Variants in CCDC102B observed in about 807,000 individuals in gnomAD.
The protein encoded by CCDC102B is coiled-coil domain containing 102B.
In CCDC102B, 75 loss-of-function variants were observed where a neutral mutation model predicts 57.4. The ratio of observed to expected loss-of-function variants is 1.31; its 90% confidence interval spans 1.08 to 1.58. CCDC102B has a LOEUF of 1.58. Ranked by LOEUF, CCDC102B falls within the 40% of genes most tolerant of loss-of-function variation. CCDC102B has a pLI of 0.00. For synonymous variants in CCDC102B, 206 were observed against 201.9 expected (o/e 1.02, Z -0.17); for missense variants, 636 against 582.6 (o/e 1.09, Z -0.94).
chr18:69,030,536 C>T (rs77847794), intron 7 of CCDC102B, among the ~76,000 whole-genome samples: 4,196 of 152,188 alleles, frequency 0.028, 203 homozygotes, highest in African/African-American at 0.094. Flanking sequence ...TTTTTTGAAA[C>T]CTTGCACTTT....
At chr18:68,998,687 G>T (rs2051104663) in intron 6 of CCDC102B, among the ~76,000 whole-genome samples, 1 of 151,558 alleles carries the variant, frequency 6.6e-6, no homozygotes, top group Non-Finnish European at 1.5e-5. Flanking sequence ...GAGTCCAAAA[G>T]CTTTCAAGGG....
At chr18:68,917,401 C>T (rs866446332) in intron 6 of CCDC102B, among the ~76,000 whole-genome samples, 2 of 152,032 alleles carry the variant, frequency 1.3e-5, no homozygotes, top group African/African-American at 2.4e-5. Context: ...GTGGAAACTG[C>T]GGGAAAGATG....
rs1377462946 is a variant in CCDC102B at position 68,938,094 on chromosome 18, A to AG, written c.1263+40668dup. Among the ~76,000 whole-genome samples, 3 of 152,162 alleles carry AG rather than the reference A, an allele frequency of 2.0e-5. No homozygotes were observed. In the Middle Eastern group the frequency reaches 0.01, roughly 518 times the overall value. On this transcript the variant is annotated intron_variant, in intron 6 of 7. Transcript: ENST00000360242. ...TGATTTCAATATTCATGCAGAAAAA[A>AG]GGTCTCAACTCAGACCTTATTAAGT...
chr18:68,861,055 C>T (rs1177416565), intron 4 of CCDC102B, among the ~76,000 whole-genome samples: 1 of 149,730 alleles, frequency 6.7e-6, no homozygotes, highest in Non-Finnish European at 1.5e-5. Context: ...TCTAGGCAAA[C>T]AGTGCATGTT....
chr18:68,752,741 C>A (rs189570531), intron 2 of CCDC102B, among the ~76,000 whole-genome samples: 2 of 152,122 alleles, frequency 1.3e-5, no homozygotes, highest in African/African-American at 2.4e-5. Context: ...AATTTTTCAT[C>A]CCTTGGGTTG....
At chr18:68,734,533 A>G (rs2033040808) in intron 2 of CCDC102B, among the ~76,000 whole-genome samples, 1 of 152,180 alleles carries the variant, frequency 6.6e-6, no homozygotes, top group African/African-American at 2.4e-5. Flanking sequence ...ACAAATACCA[A>G]AGATTTTATG....
chr18:68,771,416 T>C (rs2034632927), intron 2 of CCDC102B, among the ~76,000 whole-genome samples: 1 of 152,178 alleles, frequency 6.6e-6, no homozygotes, highest in African/African-American at 2.4e-5. Flanking sequence ...AGGGACGTAG[T>C]GTGTCAGGGT....
intron 5 of CCDC102B, 186 bp downstream of exon 5, chr18:68,874,971 T>G: frequency 4.8e-6 from 2 of 420,792 alleles, no homozygotes; most frequent in Non-Finnish European, 8.6e-6. Context: ...CATAACTAGA[T>G]CTGAACTATT....
intron 5 of CCDC102B, among the ~76,000 whole-genome samples, chr18:68,893,142 T>C (rs1360654162): frequency 2.0e-5 from 3 of 152,234 alleles, no homozygotes; most frequent in African/African-American, 7.2e-5. Flanking sequence ...GTTGATGTTT[T>C]CTTCTTTAGG....
chr18:68,937,750 T>TC (rs1183550097), intron 6 of CCDC102B, among the ~76,000 whole-genome samples: 3 of 150,604 alleles, frequency 2.0e-5, no homozygotes, highest in African/African-American at 7.3e-5. Flanking sequence ...CCCTCCCCTA[T>TC]CCCCCTACCC....
chr18:68,851,898 A>C (rs1208056941), intron 4 of CCDC102B, among the ~76,000 whole-genome samples: 3 of 152,192 alleles, frequency 2.0e-5, no homozygotes. Flanking sequence ...TTTATTTTAT[A>C]TTTCAGATGA....
At chr18:69,002,580 C>A (rs545397871) in intron 6 of CCDC102B, among the ~76,000 whole-genome samples, 43 of 152,272 alleles carry the variant, frequency 2.8e-4, no homozygotes, top group Non-Finnish European at 4.9e-4. Flanking sequence ...GGATTTATCA[C>A]GTAACAGAAA....
At chr18:69,056,543 AC>A (rs1421014713), downstream of CCDC102B, among the ~76,000 whole-genome samples, 6 of 151,784 alleles carry the variant, frequency 4.0e-5, no homozygotes, top group Non-Finnish European at 7.4e-5. Context: ...AGAATAAATG[AC>A]CTTTTTGCCT....
chr18:69,010,050 G>A (rs28737358), intron 6 of CCDC102B, among the ~76,000 whole-genome samples: 1 of 140,526 alleles, frequency 7.1e-6, no homozygotes, highest in Non-Finnish European at 1.5e-5. Flanking sequence ...TCCTGCCTCA[G>A]TCTCTGGAGT....
At chr18:68,938,885 G>T (rs933898111) in intron 6 of CCDC102B, among the ~76,000 whole-genome samples, 1 of 151,418 alleles carries the variant, frequency 6.6e-6, no homozygotes, top group African/African-American at 2.4e-5. Flanking sequence ...TTAGTAAAAG[G>T]TTAGGAAATC....
chr18:68,778,816 A>G (rs1302813780), intron 2 of CCDC102B, among the ~76,000 whole-genome samples: 1 of 150,536 alleles, frequency 6.6e-6, no homozygotes, highest in Non-Finnish European at 1.5e-5. Flanking sequence ...ATGAAGAAAT[A>G]GTGATGACTT....
chr18:68,855,724 C>A (rs1048700053), intron 4 of CCDC102B, among the ~76,000 whole-genome samples: 2 of 152,138 alleles, frequency 1.3e-5, no homozygotes, highest in Non-Finnish European at 2.9e-5. Context: ...TTGTGACTTT[C>A]ACTTTAGGTA....
At chr18:69,030,792 C>T (rs1323946975) in intron 7 of CCDC102B, among the ~76,000 whole-genome samples, 2 of 152,086 alleles carry the variant, frequency 1.3e-5, no homozygotes, top group African/African-American at 2.4e-5. Context: ...GTAGCTGGGA[C>T]TACAGGTGTA....
At chr18:69,058,005 G>A (rs2052844109), downstream of CCDC102B, among the ~76,000 whole-genome samples, 1 of 151,784 alleles carries the variant, frequency 6.6e-6, no homozygotes. Context: ...CACCCTCCCT[G>A]CTCTAATAGT....
Sources: allele counts gnomAD v4.1 joint callset (sites outside exome capture counted in the v4.1 genomes callset), GRCh38; gene constraint gnomAD v4.1.1; transcripts MANE v1.5; gene names NCBI Gene and HGNC (gene_info 2026-07-23, HGNC 2026-07-21).